The following NASP variants were observed in gnomAD, a reference collection of about 807,000 sequenced individuals.
NASP encodes nuclear autoantigenic sperm protein.
NASP carries 24 observed loss-of-function variants against 89.5 expected under a neutral mutation model. That is an observed-to-expected ratio of 0.27 (90% confidence interval 0.19 to 0.38). The LOEUF is 0.38. Ranked by LOEUF, NASP falls within the 10% of genes least tolerant of loss-of-function variation. NASP has a pLI of 1.00. For missense variants in NASP, 848 were observed against 921.4 expected (o/e 0.92, Z 1.03); for synonymous variants, 306 against 324.7 (o/e 0.94, Z 0.62).
intron 14 of NASP, 21 bp from the exon 15 acceptor site, chr1:45,618,040 C>T: frequency 5.7e-6 from 9 of 1,586,976 alleles, no homozygotes; most frequent in Non-Finnish European, 7.7e-6. Flanking sequence ...CACTCATGCC[C>T]AGGTTCTGTT....
chr1:45,608,430 T>G (rs1314358935), intron 6 of NASP, 93 bp downstream of exon 6: 2 of 1,353,006 alleles, frequency 1.5e-6, no homozygotes, highest in East Asian at 5.0e-5. Context: ...ATTCAGGATT[T>G]TCCGTCTGCC....
chr1:45,617,564 T>A lies in NASP; in HGVS notation c.2259T>A (p.Asn753Lys). Residue 753 changes from asparagine to lysine, a missense_variant, in exon 14 of 15, where the codon AAT becomes AAA. Physicochemically the swap from Asn to Lys is moderately conservative, Grantham distance 94. Transcript: ENST00000350030. ...GGSGDAVPSG[N>K]EVSENMEEEA... ...GTGGGGATGCTGTCCCCAGTGGAAA[T>A]GAAGTTTCGGAAAACATGGAGGAGG... 1 of 1,597,476 alleles carries A rather than the reference T, an allele frequency of 6.3e-7. No homozygotes were observed. Among genetic ancestry groups the A allele is most frequent in the South Asian group, 1.1e-5 (1 of 88,494 alleles).
chr1:45,595,891 G>A (rs1643683746), intron 2 of NASP, among the ~76,000 whole-genome samples: 1 of 152,226 alleles, frequency 6.6e-6, no homozygotes, highest in Non-Finnish European at 1.5e-5. Flanking sequence ...TTTTCTTTAT[G>A]AAAAGCCCTT....
chr1:45,612,952 G>A (rs557401448), intron 6 of NASP: 5 of 472,008 alleles, frequency 1.1e-5, no homozygotes, highest in Non-Finnish European at 1.7e-5. Flanking sequence ...AATTGCTGAA[G>A]GTCTGACCCA....
chr1:45,615,501 A>G, intron 11 of NASP, 30 bp downstream of exon 11: 1 of 1,588,670 alleles, frequency 6.3e-7, no homozygotes, highest in East Asian at 2.2e-5. Flanking sequence ...TGATAATAGC[A>G]TGTTTGGTAC....
intron 1 of NASP, among the ~76,000 whole-genome samples, chr1:45,586,160 G>C (rs932302403): frequency 6.6e-6 from 1 of 151,996 alleles, no homozygotes; most frequent in Non-Finnish European, 1.5e-5. Context: ...TGGGTGTGTG[G>C]GGGTGGGGGG....
At chr1:45,601,413 C>T (rs1643839794) in intron 2 of NASP, among the ~76,000 whole-genome samples, 2 of 152,160 alleles carry the variant, frequency 1.3e-5, no homozygotes, top group East Asian at 1.9e-4. Flanking sequence ...ACTCCAGCAC[C>T]ATTTGTTAGA....
chr1:45,614,394 C>CT, intron 9 of NASP, 28 bp downstream of exon 9: 1 of 1,527,020 alleles, frequency 6.5e-7, no homozygotes, highest in South Asian at 1.1e-5. Flanking sequence ...TTATACTCTC[C>CT]TACTCTCTTC....
chr1:45,611,802 G>T (rs1644016856), intron 6 of NASP: 1 of 149,182 alleles, frequency 6.7e-6, no homozygotes, highest in South Asian at 2.1e-4. Context: ...CCCAACTTGT[G>T]CCCAGGTATC....
At position 45,617,582 on chromosome 1, in the gene NASP, G is replaced by A. The variant is rs780440653; in HGVS notation, c.2277G>A (p.Met759Ile). The A allele has an allele frequency of 5.7e-6, 9 of 1,590,966 alleles. No homozygotes were observed. Among genetic ancestry groups the A allele is most frequent in the Non-Finnish European group, 1.7e-6 (2 of 1,171,298 alleles). ...VPSGNEVSEN[M>I]EEEAENQAES... The stretch of plus-strand genomic sequence containing the variant: ...GTGGAAATGAAGTTTCGGAAAACAT[G>A]GAGGAGGAGGTGGGCAGTTAAGCAG... Residue 759 changes from methionine to isoleucine, a missense_variant, in exon 14 of 15, where the codon ATG (methionine) becomes ATA (isoleucine). Coordinates refer to ENST00000350030, the MANE Select transcript of NASP (RefSeq NM_002482.4).
chr1:45,615,002 C>A lies in NASP; in HGVS notation c.1667-11C>A. The A allele has an allele frequency of 6.2e-7, 1 of 1,602,716 alleles. No individual in the cohort carries two copies. The highest frequency in any genetic ancestry group is 1.1e-5 in the South Asian group (1 of 89,324). ...TGTCCATTTACTTGCTCTTCTTTTT[C>A]TCTTTGTTAGAAAACTATGTGCAAG... On this transcript the variant is annotated splice_polypyrimidine_tract_variant and intron_variant, in intron 9 of 14. Transcript: ENST00000350030.
intron 2 of NASP, among the ~76,000 whole-genome samples, chr1:45,594,189 C>T (rs771501612): frequency 1.3e-5 from 2 of 151,902 alleles, no homozygotes; most frequent in South Asian, 2.1e-4. Context: ...ATTAGCCGGT[C>T]GTGGTGGCTA....
rs1369285216 is a variant in NASP at position 45,616,716 on chromosome 1, G to A, written c.2157+13G>A. 5 of 1,606,540 alleles carry A rather than the reference G, an allele frequency of 3.1e-6. No homozygotes were observed. Among genetic ancestry groups the A allele is most frequent in the Non-Finnish European group, 4.3e-6 (5 of 1,173,178 alleles). On this transcript the variant is annotated intron_variant, in intron 13 of 14. Transcript: ENST00000350030. ...TGTCAGAAAGAAGGTAAGTCTACAT[G>A]TGGTGTTTCTTTTCTACCGTTTCCT...
intron 2 of NASP, among the ~76,000 whole-genome samples, chr1:45,601,650 T>C (rs981713415): frequency 6.6e-6 from 1 of 152,084 alleles, no homozygotes; most frequent in African/African-American, 2.4e-5. Context: ...GAATTTATGG[T>C]TCTTTTATGA....
chr1:45,616,398 G>A lies in NASP; in HGVS notation c.2079+5G>A, dbSNP rs535233608. 15 of 1,613,832 alleles carry A rather than the reference G, an allele frequency of 9.3e-6. No homozygotes were observed. Among genetic ancestry groups the A allele is most frequent in the South Asian group, 4.4e-5 (4 of 91,074 alleles). On this transcript the variant is annotated splice_donor_5th_base_variant and intron_variant, in intron 12 of 14. Transcript: ENST00000350030. ...GGAGGCTCTTCAGTCTCCATGGTGCGTATTCAGGTGGTTTTTTGGTCACTT... is the reference window on the plus strand; with the variant it reads ...GGAGGCTCTTCAGTCTCCATGGTGCATATTCAGGTGGTTTTTTGGTCACTT...
At chr1:45,599,137 T>G (rs969586171) in intron 2 of NASP, among the ~76,000 whole-genome samples, 1 of 152,084 alleles carries the variant, frequency 6.6e-6, no homozygotes, top group African/African-American at 2.4e-5. Flanking sequence ...TTTGTTTGTT[T>G]GTTTGTTTGG....
At chr1:45,587,739 G>A (rs1278568514) in intron 1 of NASP, among the ~76,000 whole-genome samples, 1 of 139,146 alleles carries the variant, frequency 7.2e-6, no homozygotes. Flanking sequence ...CTGGAGTGTA[G>A]TGGCCAGATC....
At chr1:45,584,313 C>T in intron 1 of NASP, 108 bp downstream of exon 1, 1 of 990,992 alleles carries the variant, frequency 1.0e-6, no homozygotes, top group South Asian at 1.5e-5. Flanking sequence ...ACTTGCCTTC[C>T]CAAGAGCAGC....
At chr1:45,586,754 CT>C (rs1299297035) in intron 1 of NASP, among the ~76,000 whole-genome samples, 2 of 152,024 alleles carry the variant, frequency 1.3e-5, no homozygotes, top group African/African-American at 4.8e-5. Context: ...TGAATTTAGA[CT>C]TTAGGTAAGA....
Sources: allele counts gnomAD v4.1 joint callset (sites outside exome capture counted in the v4.1 genomes callset), GRCh38; gene constraint gnomAD v4.1.1; transcripts MANE v1.5; gene names NCBI Gene and HGNC (gene_info 2026-07-23, HGNC 2026-07-21).